SDK2: variants seen among roughly 807,000 people sequenced by gnomAD.
The protein encoded by SDK2 is protein sidekick-2.
Under a neutral mutation model 253.9 loss-of-function variants are expected in SDK2, and 105 were observed. The ratio of observed to expected loss-of-function variants is 0.41; its 90% CI spans 0.35 to 0.49. The LOEUF is 0.49. SDK2 is among the 20% of genes least tolerant of loss of function. SDK2 has a pLI of 0.06. For synonymous variants in SDK2, 1,249 were observed against 1,234.9 expected, an observed-to-expected ratio of 1.01 and a Z score of -0.24; for missense variants, 2,608 against 3,003.0, an observed-to-expected ratio of 0.87 and a Z score of 3.07.
At position 73,644,097 on chromosome 17, in the gene SDK2, G is replaced by T. The variant is rs763327904; in HGVS notation, c.-9C>A. 1.3e-6 allele frequency: 2 copies of T among 1,550,376 alleles called. No individual in the cohort carries two copies. Among genetic ancestry groups the T allele is most frequent in the South Asian group, 2.4e-5 (2 of 83,902 alleles). ...ATCAAAAGCCCCCACATGGTGACCA[G>T]CCTGGAGAGGGGTCCTCGGGGTCTC... On this transcript the variant is annotated 5_prime_UTR_variant, in exon 1 of 45. The change creates a new upstream start codon in the 5' untranslated region. Transcript: ENST00000392650. The surrounding 1 kb of genome is among the most constrained non-coding windows in gnomAD (Gnocchi z 6.3).
At position 73,511,698 on chromosome 17, in the gene SDK2, C is replaced by A. The variant is rs1486196596; in HGVS notation, c.65-4101G>T. On this transcript the variant is annotated intron_variant, in intron 1 of 44. Transcript: ENST00000392650. This position sits in a 1 kb window ranked among gnomAD's most constrained non-coding sequence, Gnocchi z 4.9. ...CCCCTCCCGAAAGTCAACCTGCCCC[C>A]TGGATACAGGGATCCTGGGAGGGAC... Among the ~76,000 whole-genome samples the A allele has an allele frequency of 1.3e-5, 2 of 152,204 alleles. No homozygotes were observed. Among genetic ancestry groups the A allele is most frequent in the African/African-American group, 4.8e-5 (2 of 41,460 alleles).
In SDK2 at chr17:73,507,563, C is replaced by T. The variant is rs755603133; in HGVS notation, c.99G>A (p.Val33=). ...TTCCTTCCAAGTGCACCTGTGTCCG[C>T]ACAGGCTCTGTCTTGAAATACGGGG... ...DVSPYFKTEP[V]RTQVHLEGNR... Residue 33 remains valine, a synonymous_variant, in exon 2 of 45, where the codon GTG becomes GTA. Transcript: ENST00000392650. 1.9e-6 allele frequency: 3 copies of T among 1,551,596 alleles called. No individual in the cohort carries two copies. The highest frequency in any genetic ancestry group is 2.6e-6 in the Non-Finnish European group (3 of 1,146,994).
In SDK2 at chr17:73,455,554, C is replaced by T. The variant is rs1027817889; in HGVS notation, c.479+352G>A. The stretch of plus-strand genomic sequence containing the variant: ...CGCCAGCCTCTCCAAGGTCCCCCAG[C>T]GCCACTGGCCTGAGTCCTGGGCCTG... On this transcript the variant is annotated intron_variant, in intron 4 of 44. Coordinates refer to ENST00000392650, the MANE Select transcript of SDK2 (RefSeq NM_001144952.2). This position sits in a 1 kb window ranked among gnomAD's most constrained non-coding sequence, Gnocchi z 5.0. Among the ~76,000 whole-genome samples the T allele has an allele frequency of 2.6e-5, 4 of 152,228 alleles. No individual in the cohort carries two copies. Among genetic ancestry groups the T allele is most frequent in the East Asian group, 1.9e-4 (1 of 5,204 alleles).
chr17:73,396,751 C>T (rs2062974214), intron 24 of SDK2, among the ~76,000 whole-genome samples: 1 of 152,178 alleles, frequency 6.6e-6, no homozygotes, highest in South Asian at 2.1e-4. Flanking sequence ...AGGCTCTAAC[C>T]TTTTAGTAGC....
intron 40 of SDK2, 120 bp downstream of exon 40, chr17:73,357,959 C>A (rs748190436): frequency 6.8e-7 from 1 of 1,476,440 alleles, no homozygotes; most frequent in Non-Finnish European, 9.4e-7. Context: ...GGTGACTTCA[C>A]CTGTAGTAGC....
At chr17:73,566,314 T>TAG (rs2045310915) in intron 1 of SDK2, among the ~76,000 whole-genome samples, 2 of 143,044 alleles carry the variant, frequency 1.4e-5, no homozygotes, top group South Asian at 4.7e-4. Context: ...AATTCTTATA[T>TAG]ATATATGTGT....
At position 73,570,591 on chromosome 17, in the gene SDK2, G is replaced by T. The variant is rs544082519; in HGVS notation, c.65-62994C>A. Among the ~76,000 whole-genome samples, 1 of 152,300 alleles carries T rather than the reference G, an allele frequency of 6.6e-6. No homozygotes were observed. Among genetic ancestry groups the T allele is most frequent in the African/African-American group, 2.4e-5 (1 of 41,556 alleles). ...ACCTTCCACTGAGCGCTGACTACCC[G>T]TGAGGCACTGAACACCACCATCAGC... On this transcript the variant is annotated intron_variant, in intron 1 of 44. Coordinates refer to ENST00000392650, the MANE Select transcript of SDK2 (RefSeq NM_001144952.2). The surrounding 1 kb of genome is among the most constrained non-coding windows in gnomAD (Gnocchi z 4.2).
intron 1 of SDK2, among the ~76,000 whole-genome samples, chr17:73,624,226 G>A (rs1471255480): frequency 6.6e-6 from 1 of 152,236 alleles, no homozygotes; most frequent in Non-Finnish European, 1.5e-5. Flanking sequence ...GGGCGTGGTA[G>A]CTCACGCCTG....
intron 2 of SDK2, among the ~76,000 whole-genome samples, chr17:73,489,284 C>T (rs927320244): frequency 6.6e-6 from 1 of 152,138 alleles, no homozygotes; most frequent in Non-Finnish European, 1.5e-5. Flanking sequence ...CCCTGGAGGC[C>T]AGAGGGAAGG....
Position 73,435,029 on chromosome 17 carries a change from G to A in SDK2, c.1195+421C>T, listed in dbSNP as rs888550781. ...ACTCCAAGGGCAGAAAGGGATTTGC[G>A]AGCAGGAGAACTAAGAGAAAAACAC... is the stretch of plus-strand genomic sequence containing the variant. On this transcript the variant is annotated intron_variant, in intron 9 of 44. Transcript: ENST00000392650. The surrounding 1 kb of genome is among the most constrained non-coding windows in gnomAD (Gnocchi z 5.7). Among the ~76,000 whole-genome samples the A allele has an allele frequency of 1.3e-4, 20 of 152,178 alleles. No homozygotes were observed. The highest frequency in any genetic ancestry group is 4.6e-4 in the African/African-American group (19 of 41,448).
At position 73,596,820 on chromosome 17, in the gene SDK2, C is replaced by T. The variant is rs575953213; in HGVS notation, c.64+47205G>A. 1.3e-3 allele frequency among the ~76,000 whole-genome samples: 192 copies of T among 152,350 alleles called. 1 individual carries two copies. The highest frequency in any genetic ancestry group is 4.4e-3 in the African/African-American group (185 of 41,574). ...ACAAGTCCCTGGGGATAGCTCCCTG[C>T]CATGGCTGGCGGTGTCTGAGCAAAA... On this transcript the variant is annotated intron_variant, in intron 1 of 44. Transcript: ENST00000392650.
intron 36 of SDK2, among the ~76,000 whole-genome samples, chr17:73,371,780 C>T (rs953709138): frequency 1.3e-5 from 2 of 151,768 alleles, no homozygotes; most frequent in African/African-American, 2.4e-5. Flanking sequence ...GCCAACATGG[C>T]GAAACTCTAT....
rs1471957454 is a variant in SDK2, at chr17:73,447,357, G to A, written c.613+258C>T. Among the ~76,000 whole-genome samples the A allele has an allele frequency of 6.6e-6, 1 of 152,040 alleles. No individual in the cohort carries two copies. The highest frequency in any genetic ancestry group is 1.9e-4 in the East Asian group (1 of 5,174). On this transcript the variant is annotated intron_variant, in intron 5 of 44. Coordinates refer to ENST00000392650, the MANE Select transcript of SDK2 (RefSeq NM_001144952.2). This position sits in a 1 kb window ranked among gnomAD's most constrained non-coding sequence, Gnocchi z 4.0. ...GTCCCTGGTAGCCCTGCTAACAGTT[G>A]TGCTAAGCATCCTCTCTACCGATGC...
intron 44 of SDK2, among the ~76,000 whole-genome samples, chr17:73,347,546 C>CT (rs978259878): frequency 2.6e-5 from 4 of 152,178 alleles, no homozygotes; most frequent in African/African-American, 7.2e-5. Flanking sequence ...GCCCTCAGCC[C>CT]ACGGGGCCCA....
At chr17:73,412,132 G>GTA (rs1568389600) in intron 18 of SDK2, among the ~76,000 whole-genome samples, 2 of 68,612 alleles carry the variant, frequency 2.9e-5, no homozygotes, top group Non-Finnish European at 6.3e-5. Flanking sequence ...GTATATATGT[G>GTA]TATGTGTATA....
chr17:73,526,860 A>T (rs2064130011), intron 1 of SDK2, among the ~76,000 whole-genome samples: 7 of 152,230 alleles, frequency 4.6e-5, no homozygotes, highest in Admixed American at 4.6e-4. Flanking sequence ...ATGAGCATGC[A>T]ATAAAGGACC....
At chr17:73,480,968 A>G (rs967049049) in intron 2 of SDK2, among the ~76,000 whole-genome samples, 2 of 152,078 alleles carry the variant, frequency 1.3e-5, no homozygotes, top group African/African-American at 4.8e-5. Context: ...ATCTTCGGTG[A>G]GAGTTGGTGA....
Position 73,498,622 on chromosome 17 carries a change from G to A in SDK2, c.224+8816C>T, listed in dbSNP as rs921816932. 5.3e-5 allele frequency among the ~76,000 whole-genome samples: 8 copies of A among 152,222 alleles called. No homozygotes were observed. In the East Asian group the frequency reaches 1.5e-3, roughly 29 times the overall value. On this transcript the variant is annotated intron_variant, in intron 2 of 44. Coordinates refer to ENST00000392650, the MANE Select transcript of SDK2 (RefSeq NM_001144952.2). ...CTTAACTTTATGATTTCAGATCTTG[G>A]ACAAGAAATGAAACCTGAGCCTTTG...
chr17:73,432,367 G>A (rs753147310), intron 10 of SDK2, among the ~76,000 whole-genome samples: 10 of 152,162 alleles, frequency 6.6e-5, no homozygotes, highest in Non-Finnish European at 1.0e-4. Context: ...CCCCCGTAAG[G>A]AAGGGAATCT....
Sources: allele counts gnomAD v4.1 joint callset (sites outside exome capture counted in the v4.1 genomes callset), GRCh38; gene constraint gnomAD v4.1.1; non-coding constraint Gnocchi (gnomAD v3.1); transcripts MANE v1.5; gene names NCBI Gene and HGNC (gene_info 2026-07-23, HGNC 2026-07-21).